Variants in SNTG2 observed in about 807,000 individuals in gnomAD.
The protein encoded by SNTG2 is gamma-2-syntrophin.
In SNTG2, 74 loss-of-function variants were observed where a neutral mutation model predicts 70.9. That is an observed-to-expected ratio of 1.04 (90% CI 0.86 to 1.27). The LOEUF (loss-of-function observed/expected upper bound fraction) is 1.27. Among genes scored for constraint, SNTG2 ranks in the 50% most tolerant of loss-of-function variants. The pLI, the probability that SNTG2 is intolerant of heterozygous loss-of-function variation, is 0.00. For synonymous variants in SNTG2, 278 were observed against 273.8 expected (o/e 1.02, Z -0.15); for missense variants, 717 against 690.7 (o/e 1.04, Z -0.43).
At chr2:1,245,701 A>G (rs1474702630) in intron 11 of SNTG2, among the ~76,000 whole-genome samples, 1 of 152,248 alleles carries the variant, frequency 6.6e-6, no homozygotes, top group Non-Finnish European at 1.5e-5. Context: ...TGACCCAACC[A>G]GACAAAAAAG....
At chr2:1,273,177 C>T (rs367601443) in intron 14 of SNTG2, among the ~76,000 whole-genome samples, 40 of 152,252 alleles carry the variant, frequency 2.6e-4, no homozygotes, top group African/African-American at 8.9e-4. Flanking sequence ...ACACAGCTCC[C>T]TTGGTAGGAG....
chr2:1,246,741 A>ATGCG (rs895117187), intron 11 of SNTG2, among the ~76,000 whole-genome samples: 2 of 151,208 alleles, frequency 1.3e-5, no homozygotes, highest in Non-Finnish European at 3.0e-5. Context: ...GATTGAATTC[A>ATGCG]CTGAATTCTT....
intron 9 of SNTG2, among the ~76,000 whole-genome samples, chr2:1,221,437 G>GTCTCTGCATCTGCCTCTCTCTGTC (rs1674810604): frequency 1.2e-5 from 1 of 84,954 alleles, no homozygotes; most frequent in African/African-American, 6.3e-5. Context: ...GTCTCTCTCT[G>GTCTCTGCATCTGCCTCTCTCTGTC]TCTCTGTCTC....
At chr2:1,128,435 T>C (rs1357510805) in intron 4 of SNTG2, among the ~76,000 whole-genome samples, 1 of 152,116 alleles carries the variant, frequency 6.6e-6, no homozygotes, top group Non-Finnish European at 1.5e-5. Context: ...CTTTGTGTTA[T>C]TATGGAAGTT....
intron 9 of SNTG2, among the ~76,000 whole-genome samples, chr2:1,236,193 A>G (rs1479138111): frequency 6.6e-6 from 1 of 152,238 alleles, no homozygotes; most frequent in Non-Finnish European, 1.5e-5. Flanking sequence ...GAATTAATGG[A>G]TACTTGGACA....
At chr2:1,171,603 CAG>C (rs2147879454) in intron 7 of SNTG2, among the ~76,000 whole-genome samples, 1 of 152,258 alleles carries the variant, frequency 6.6e-6, no homozygotes, top group South Asian at 2.1e-4. Context: ...TGGTCCACAG[CAG>C]AGTCTTCACC....
intron 1 of SNTG2, among the ~76,000 whole-genome samples, chr2:983,688 A>G (rs554297121): frequency 6.6e-6 from 1 of 152,300 alleles, no homozygotes; most frequent in Admixed American, 6.5e-5. Flanking sequence ...TTCAGTCTTG[A>G]TTCATGTCCC....
chr2:967,323 T>C (rs62105722), intron 1 of SNTG2, among the ~76,000 whole-genome samples: 64,027 of 152,064 alleles, frequency 0.42, 14,072 homozygotes, highest in Middle Eastern at 0.52. Flanking sequence ...AAACATTCAG[T>C]GTTCATCATT....
At chr2:990,480 G>GTT (rs1285257126) in intron 1 of SNTG2, among the ~76,000 whole-genome samples, 1 of 152,144 alleles carries the variant, frequency 6.6e-6, no homozygotes, top group African/African-American at 2.4e-5. Flanking sequence ...CTCTCGTGGT[G>GTT]GGGGAGCTCT....
chr2:1,173,255 G>T, intron 8 of SNTG2, 72 bp downstream of exon 8: 1 of 1,326,974 alleles, frequency 7.5e-7, no homozygotes, highest in South Asian at 1.2e-5. Flanking sequence ...TCTCTAGACA[G>T]AATTAAAAAG....
intron 1 of SNTG2, among the ~76,000 whole-genome samples, chr2:1,019,670 A>G (rs1230849323): frequency 1.3e-5 from 2 of 152,196 alleles, no homozygotes; most frequent in African/African-American, 2.4e-5. Context: ...TCCACTGGTA[A>G]TTATGCTGCA....
chr2:1,157,224 G>A (rs1368295282), intron 6 of SNTG2, among the ~76,000 whole-genome samples: 1 of 152,164 alleles, frequency 6.6e-6, no homozygotes, highest in East Asian at 1.9e-4. Context: ...TGATCCACTG[G>A]ATGTGTCACT....
rs375499872 is a variant in SNTG2 at position 1,267,583 on chromosome 2, A to G, written c.1284+12A>G. On this transcript the variant is annotated intron_variant, in intron 14 of 16. Coordinates refer to ENST00000308624, the MANE Select transcript of SNTG2 (RefSeq NM_018968.4). ...TTCAGAGAACCGGGGTAAGTGAACA[A>G]CTCACACTCTTCTCACCTACACCTG... 361 of 1,611,054 alleles carry G rather than the reference A, an allele frequency of 2.2e-4. No individual in the cohort carries two copies. The highest frequency in any genetic ancestry group is 1.3e-3 in the East Asian group (57 of 44,878).
chr2:1,308,736 T>TC, intron 15 of SNTG2, 150 bp downstream of exon 15: 1 of 667,134 alleles, frequency 1.5e-6, no homozygotes, highest in Non-Finnish European at 2.6e-6. Flanking sequence ...GACTTTTTTT[T>TC]CTGATAGCTC....
At chr2:1,278,494 G>A (rs1269684468) in intron 14 of SNTG2, among the ~76,000 whole-genome samples, 1 of 152,172 alleles carries the variant, frequency 6.6e-6, no homozygotes, top group African/African-American at 2.4e-5. Context: ...TGCTAGTGAG[G>A]TATGTTGTTA....
intron 14 of SNTG2, among the ~76,000 whole-genome samples, chr2:1,284,084 C>T (rs192984926): frequency 3.3e-5 from 5 of 152,238 alleles, no homozygotes; most frequent in Non-Finnish European, 7.4e-5. Flanking sequence ...GAATCTCCCC[C>T]GGAAAGATGC....
chr2:975,157 C>T (rs755507245), intron 1 of SNTG2, among the ~76,000 whole-genome samples: 3 of 152,074 alleles, frequency 2.0e-5, no homozygotes, highest in Non-Finnish European at 2.9e-5. Flanking sequence ...CACCCTTCCA[C>T]TCACACTTGG....
At position 1,267,447 on chromosome 2, in the gene SNTG2, A is replaced by T; in HGVS notation, c.1160A>T (p.Tyr387Phe). 6.2e-7 allele frequency: 1 copy of T among 1,613,412 alleles called. No homozygotes were observed. The highest frequency in any genetic ancestry group is 8.5e-7 in the Non-Finnish European group (1 of 1,179,688). The change falls in exon 14 of 17, where the codon TAT (tyrosine) becomes TTT (phenylalanine). Residue 387 changes from tyrosine to phenylalanine, a missense_variant. Physicochemically the swap from Tyr to Phe is conservative, Grantham distance 22. Coordinates refer to ENST00000308624, the MANE Select transcript of SNTG2 (RefSeq NM_018968.4). ...TTTGACTTTGAGGACCAGAGGCCCT[A>T]TTGCTTCAGCATCGTGGCCGGCCAT... ...QDFDFEDQRPYCFSIVAGHGK... is the reference protein window; with the variant it reads ...QDFDFEDQRPFCFSIVAGHGK...
At chr2:1,078,929 G>C (rs916049998) in intron 1 of SNTG2, among the ~76,000 whole-genome samples, 2 of 152,164 alleles carry the variant, frequency 1.3e-5, no homozygotes, top group African/African-American at 4.8e-5. Context: ...CACTGGGGTT[G>C]GGGGAATCGT....
Sources: gnomAD v4.1 joint callset for allele counts (sites outside exome capture counted in the v4.1 genomes callset) on GRCh38, gnomAD v4.1.1 for gene constraint, MANE v1.5 for transcripts, NCBI Gene and HGNC (gene_info 2026-07-23, HGNC 2026-07-21) for gene names.